SPOPL: variants seen among roughly 807,000 people sequenced by gnomAD.
The protein encoded by SPOPL is speckle-type POZ protein-like.
In SPOPL, 23 loss-of-function variants were observed where a neutral mutation model predicts 53.8. That is an observed-to-expected ratio of 0.43 (90% CI 0.31 to 0.61). The LOEUF (loss-of-function observed/expected upper bound fraction) is 0.61. SPOPL is among the 20% of genes least tolerant of loss of function. SPOPL has a pLI of 0.12. For missense variants in SPOPL, 442 were observed against 466.9 expected (o/e 0.95, Z 0.49); for synonymous variants, 164 against 149.7 (o/e 1.10, Z -0.70).
chr2:138,566,030 G>A (rs920164966), intron 10 of SPOPL, among the ~76,000 whole-genome samples: 13 of 151,950 alleles, frequency 8.6e-5, no homozygotes, highest in Non-Finnish European at 1.8e-4. Context: ...CACCGTGCCC[G>A]GCCAAAAATT....
intron 1 of SPOPL, among the ~76,000 whole-genome samples, chr2:138,538,993 T>C (rs1241767875): frequency 6.6e-6 from 1 of 152,166 alleles, no homozygotes; most frequent in Non-Finnish European, 1.5e-5. Context: ...AGTGAGAACA[T>C]GCGGTGTTTG....
rs10673306 is a variant in SPOPL at position 138,530,922 on chromosome 2, A to AGTGTGTGTGT, written c.-60-19214_-60-19205dup. Among the ~76,000 whole-genome samples, 733 of 148,048 alleles carry AGTGTGTGTGT rather than the reference A, an allele frequency of 5.0e-3. 4 individuals are homozygous for AGTGTGTGTGT. The highest frequency in any genetic ancestry group is 0.013 in the African/African-American group (505 of 40,208). The stretch of plus-strand genomic sequence containing the variant: ...CTCAGGGAAACCTTACTGTAGAGTG[A>AGTGTGTGTGT]GTGTGTGTGTGTGTGTGTGTGTGTG... On this transcript the variant is annotated intron_variant, in intron 1 of 10. Transcript: ENST00000280098.
At chr2:138,512,631 T>C (rs1027138762) in intron 1 of SPOPL, among the ~76,000 whole-genome samples, 4 of 152,206 alleles carry the variant, frequency 2.6e-5, no homozygotes, top group African/African-American at 9.7e-5. Context: ...AAATAAAATA[T>C]AATATTTTCG....
At chr2:138,556,847 T>G (rs975956263) in intron 5 of SPOPL, among the ~76,000 whole-genome samples, 1 of 152,150 alleles carries the variant, frequency 6.6e-6, no homozygotes, top group Admixed American at 6.5e-5. Context: ...AAAAATATTG[T>G]ACGAAGAGCC....
intron 1 of SPOPL, among the ~76,000 whole-genome samples, chr2:138,537,879 G>A (rs1684971061): frequency 1.3e-5 from 2 of 152,066 alleles, no homozygotes; most frequent in South Asian, 2.1e-4. Context: ...AATTTTCTGG[G>A]GAGTATGTCC....
chr2:138,550,849 C>CTCTCTT, intron 3 of SPOPL, 54 bp from the exon 4 acceptor site: 2 of 1,540,324 alleles, frequency 1.3e-6, no homozygotes, highest in Non-Finnish European at 1.8e-6. Context: ...CTCTCTCTCT[C>CTCTCTT]GAATGCTTTT....
chr2:138,541,790 GT>G (rs1258928829), intron 1 of SPOPL, among the ~76,000 whole-genome samples: 1 of 152,132 alleles, frequency 6.6e-6, no homozygotes, highest in East Asian at 1.9e-4. Flanking sequence ...TTTTGAATGT[GT>G]TTGCTCTTGC....
intron 4 of SPOPL, among the ~76,000 whole-genome samples, chr2:138,551,788 A>C (rs1039441746): frequency 6.6e-6 from 1 of 152,002 alleles, no homozygotes; most frequent in African/African-American, 2.4e-5. Flanking sequence ...ATTGATTACT[A>C]ATTTTCCACT....
intron 1 of SPOPL, among the ~76,000 whole-genome samples, chr2:138,543,381 A>G (rs186338055): frequency 0.029 from 4,395 of 152,226 alleles, 217 homozygotes; most frequent in African/African-American, 0.1. Flanking sequence ...CCAATCAGAC[A>G]TAGATTTGGT....
At chr2:138,542,513 C>G (rs1685095506) in intron 1 of SPOPL, among the ~76,000 whole-genome samples, 2 of 152,020 alleles carry the variant, frequency 1.3e-5, no homozygotes, top group Non-Finnish European at 2.9e-5. Flanking sequence ...CTCTTTTGAT[C>G]TTTGTTGGTT....
chr2:138,512,221 A>G (rs1238173459), intron 1 of SPOPL, among the ~76,000 whole-genome samples: 2 of 152,176 alleles, frequency 1.3e-5, no homozygotes, highest in Non-Finnish European at 2.9e-5. Flanking sequence ...TTAATGTAAG[A>G]TTGCAGTCTT....
Position 138,569,918 on chromosome 2 carries a change from T to G in SPOPL, c.*838T>G, listed in dbSNP as rs1166250002. 2.0e-5 allele frequency: 3 copies of G among 152,600 alleles called. No homozygotes were observed. The highest frequency in any genetic ancestry group is 4.4e-5 in the Non-Finnish European group (3 of 68,004). 9.5% of individuals were successfully genotyped at this position (152,600 alleles called of 1,614,324 possible). A position where few individuals can be genotyped will look rare whatever the true frequency, so the allele number is the denominator to read the frequency against. On this transcript the variant is annotated 3_prime_UTR_variant, in exon 11 of 11. Coordinates refer to ENST00000280098, the MANE Select transcript of SPOPL (RefSeq NM_001001664.3). Reference sequence around the variant, plus strand: ...GTGGGCCAATTAAGAAAGATACATATGCACTTTTACTGTGTAACTTTTGTA... The same window carrying G: ...GTGGGCCAATTAAGAAAGATACATAGGCACTTTTACTGTGTAACTTTTGTA...
intron 1 of SPOPL, among the ~76,000 whole-genome samples, chr2:138,547,405 G>T (rs1038693815): frequency 2.0e-5 from 3 of 152,016 alleles, no homozygotes; most frequent in Admixed American, 2.0e-4. Flanking sequence ...ACCCTCCAGG[G>T]TTTCTAAAAG....
Position 138,571,100 on chromosome 2 carries a change from T to C in SPOPL, c.*2020T>C, listed in dbSNP as rs1452634763. The C allele has an allele frequency of 6.6e-6, 1 of 152,164 alleles. No homozygotes were observed. The highest frequency in any genetic ancestry group is 1.5e-5 in the Non-Finnish European group (1 of 68,014). 9.4% of individuals were successfully genotyped at this position (152,164 alleles called of 1,614,324 possible). A position where few individuals can be genotyped will look rare whatever the true frequency, so the allele number is the denominator to read the frequency against. ...AGTTTGCAATATACAATTTTAAAAA[T>C]ACACATACATACATACATATGTATA... On this transcript the variant is annotated 3_prime_UTR_variant, in exon 11 of 11. Transcript: ENST00000280098.
intron 1 of SPOPL, among the ~76,000 whole-genome samples, chr2:138,503,551 A>G (rs1345379448): frequency 6.6e-6 from 1 of 152,208 alleles, no homozygotes; most frequent in East Asian, 1.9e-4. Context: ...TGATATAGAT[A>G]GCATGTATAA....
intron 1 of SPOPL, among the ~76,000 whole-genome samples, chr2:138,532,643 C>G (rs552409474): frequency 6.8e-6 from 1 of 146,168 alleles, no homozygotes; most frequent in African/African-American, 2.6e-5. Flanking sequence ...GGGGTTTCAC[C>G]GTGTTAGCCA....
intron 1 of SPOPL, among the ~76,000 whole-genome samples, chr2:138,539,737 A>G (rs1685024856): frequency 6.6e-6 from 1 of 152,216 alleles, no homozygotes. Flanking sequence ...TTTGCTGTCC[A>G]GAAGCTCTTT....
At chr2:138,529,509 T>C (rs921041300) in intron 1 of SPOPL, among the ~76,000 whole-genome samples, 3 of 117,594 alleles carry the variant, frequency 2.6e-5, no homozygotes, top group Non-Finnish European at 6.1e-5. Context: ...TGTGTGTGTG[T>C]GTGTGTGTGT....
chr2:138,551,149 C>T lies in SPOPL; in HGVS notation c.352+95C>T, dbSNP rs1314164974. 2.3e-6 allele frequency: 3 copies of T among 1,332,478 alleles called. No individual in the cohort carries two copies. The Admixed American group carries it at 7.1e-5, about 32-fold the overall frequency. The allele number at this position is 1,332,478 out of a possible 1,614,324, so 82.5% of individuals were successfully genotyped here. A position where few individuals can be genotyped will look rare whatever the true frequency, so the allele number is the denominator to read the frequency against. On this transcript the variant is annotated intron_variant, in intron 4 of 10. Coordinates refer to ENST00000280098, the MANE Select transcript of SPOPL (RefSeq NM_001001664.3). Reference sequence around the variant, plus strand: ...ACCTAGAAAAGTCTGGGACTTTTTTCTGCTAAAATCTGCTTAACCTGAAAC... The same window carrying T: ...ACCTAGAAAAGTCTGGGACTTTTTTTTGCTAAAATCTGCTTAACCTGAAAC...
Sources: gnomAD v4.1 joint callset for allele counts (sites outside exome capture counted in the v4.1 genomes callset) on GRCh38, gnomAD v4.1.1 for gene constraint, MANE v1.5 for transcripts, NCBI Gene and HGNC (gene_info 2026-07-23, HGNC 2026-07-21) for gene names.